Variants in FPR1 observed in about 807,000 individuals in gnomAD.
The protein encoded by FPR1 is formyl peptide receptor 1, also known as N-formyl peptide receptor 1.
For synonymous variants in FPR1, 193 were observed against 176.7 expected, an observed-to-expected ratio of 1.09 and a Z score of -0.73; for missense variants, 407 against 453.0, an observed-to-expected ratio of 0.90 and a Z score of 0.92.
intron 1 of FPR1, chr19:51,750,166 T>A (rs1361284600): frequency 6.6e-6 from 1 of 152,214 alleles, no homozygotes; most frequent in African/African-American, 2.4e-5. Flanking sequence ...GCCACGCTAC[T>A]GGCACAGAAG....
At position 51,746,730 on chromosome 19, in the gene FPR1, C is replaced by T. The variant is rs756639389; in HGVS notation, c.265G>A (p.Gly89Arg). 1.2e-6 allele frequency: 2 copies of T among 1,614,026 alleles called. No individual in the cohort carries two copies. The highest frequency in any genetic ancestry group is 1.1e-5 in the South Asian group (1 of 91,084). ...AGGAACCAGCCGAAAGGCCAATGTCCTCCCATGGCCTTCCTGACCATGAAG... is the reference window on the plus strand; with the variant it reads ...AGGAACCAGCCGAAAGGCCAATGTCTTCCCATGGCCTTCCTGACCATGAAG... The part of the protein sequence containing the change: ...PFFMVRKAMG[G>R]HWPFGWFLCK... The change falls in exon 2 of 2, where the codon GGA (glycine) becomes AGA (arginine). Residue 89 changes from glycine to arginine, a missense_variant. Coordinates refer to ENST00000304748, the MANE Select transcript of FPR1 (RefSeq NM_002029.4). The surrounding 1 kb of genome is among the most constrained non-coding windows in gnomAD (Gnocchi z 4.3).
At chr19:51,745,746 G>T (rs867229), downstream of FPR1, 2 of 533,216 alleles carry the variant, frequency 3.8e-6, no homozygotes, top group African/African-American at 1.9e-5. Flanking sequence ...CAAGGCTGAG[G>T]TCCAAAATCA....
chr19:51,745,792 TCTCCCCAA>T lies in FPR1; in HGVS notation c.*142_*149del. The T allele has an allele frequency of 1.5e-6, 1 of 671,852 alleles. No individual in the cohort carries two copies. The highest frequency in any genetic ancestry group is 2.6e-6 in the Non-Finnish European group (1 of 388,272). The allele number at this position is 671,852 out of a possible 1,614,324, so 41.6% of individuals were successfully genotyped here. A position where few individuals can be genotyped will look rare whatever the true frequency, so the allele number is the denominator to read the frequency against. Reference sequence around the variant, plus strand: ...CAATAATAAACTCATATCTGTTTATTCTCCCCAAATCAGGGGACACAAAGGCTTTTTTT... The same window carrying T: ...CAATAATAAACTCATATCTGTTTATTATCAGGGGACACAAAGGCTTTTTTT... On this transcript the variant is annotated 3_prime_UTR_variant, in exon 2 of 2. Coordinates refer to ENST00000304748, the MANE Select transcript of FPR1 (RefSeq NM_002029.4).
In FPR1 at chr19:51,746,527, G is replaced by A; in HGVS notation, c.468C>T (p.Leu156=). 1.2e-6 allele frequency: 2 copies of A among 1,614,232 alleles called. No individual in the cohort carries two copies. The highest frequency in any genetic ancestry group is 1.1e-5 in the South Asian group (1 of 91,082). Reference sequence around the variant, plus strand: ...TCACACGAATGATAACTGGCAATGTGAGGAGCAGAGCCATCACCCAGGGCC... The same window carrying A: ...TCACACGAATGATAACTGGCAATGTAAGGAGCAGAGCCATCACCCAGGGCC... ...IIGPWVMALL[L]TLPVIIRVTT... The change falls in exon 2 of 2, where the codon CTC becomes CTT. Residue 156 remains leucine, a synonymous_variant. Transcript: ENST00000304748. This position sits in a 1 kb window ranked among gnomAD's most constrained non-coding sequence, Gnocchi z 4.3.
chr19:51,745,933 GCTCCCT>G lies in FPR1; in HGVS notation c.*3_*8del. ...GCTGGGAGCTCGAAAGTGTCCCCCA[GCTCCCT>G]CCTCACTTTGCCTGTAACTCCACCT... On this transcript the variant is annotated 3_prime_UTR_variant, in exon 2 of 2. Transcript: ENST00000304748. The G allele has an allele frequency of 1.2e-6, 2 of 1,603,204 alleles. No homozygotes were observed. The highest frequency in any genetic ancestry group is 1.1e-5 in the South Asian group (1 of 90,810).
chr19:51,746,169 A>G lies in FPR1; in HGVS notation c.826T>C (p.Tyr276His), dbSNP rs553738020. 1 of 1,614,230 alleles carries G rather than the reference A, an allele frequency of 6.2e-7. No individual in the cohort carries two copies. Among genetic ancestry groups the G allele is most frequent in the Admixed American group, 1.7e-5 (1 of 60,024 alleles). Residue 276 changes from tyrosine (Y) to histidine (H), a missense_variant, in exon 2 of 2, where the codon TAC becomes CAC. Tyr to His is a moderately conservative substitution (Grantham distance 83). Transcript: ENST00000304748. The surrounding 1 kb of genome is among the most constrained non-coding windows in gnomAD (Gnocchi z 4.3). ...VRIRELLQGM[Y>H]KEIGIAVDVT... ...TCCACTGCAATACCAATTTCTTTGT[A>G]CATGCCTTGCAATAACTCACGGATT...
Position 51,746,387 on chromosome 19 carries a change from A to T in FPR1, c.608T>A (p.Ile203Asn), listed in dbSNP as rs375670055. 2 of 1,614,084 alleles carry T rather than the reference A, an allele frequency of 1.2e-6. No homozygotes were observed. The highest frequency in any genetic ancestry group is 1.3e-5 in the African/African-American group (1 of 74,916). ...GCTGAAGCCAATGATGAACCGGATG[A>T]TGCCTCTCACCGTCAACATGGCAAC... ...VAVAMLTVRG[I>N]IRFIIGFSAP... The change falls in exon 2 of 2, where the codon ATC (isoleucine) becomes AAC (asparagine). Residue 203 changes from isoleucine to asparagine, a missense_variant. Ile to Asn is a moderately radical substitution (Grantham distance 149). Transcript: ENST00000304748. The surrounding 1 kb of genome is among the most constrained non-coding windows in gnomAD (Gnocchi z 4.3).
At chr19:51,745,725 C>G (rs1373362149), downstream of FPR1, 9 of 517,136 alleles carry the variant, frequency 1.7e-5, no homozygotes, top group Non-Finnish European at 2.8e-5. Flanking sequence ...TCATTTCCCA[C>G]CCTGACCACC....
chr19:51,749,080 C>T (rs1240801601), intron 1 of FPR1, among the ~76,000 whole-genome samples: 6 of 151,950 alleles, frequency 3.9e-5, no homozygotes, highest in East Asian at 1.9e-4. Flanking sequence ...CCAGGCATGG[C>T]GGTGGGTGCT....
rs1358544550 is a variant in FPR1 at position 51,746,727 on chromosome 19, G to A, written c.268C>T (p.His90Tyr). 1.8e-5 allele frequency: 29 copies of A among 1,614,054 alleles called. No homozygotes were observed. The highest frequency in any genetic ancestry group is 2.4e-5 in the Non-Finnish European group (28 of 1,180,036). Reference protein sequence around the residue: ...FFMVRKAMGGHWPFGWFLCKF... With the variant: ...FFMVRKAMGGYWPFGWFLCKF... ...CACAGGAACCAGCCGAAAGGCCAAT[G>A]TCCTCCCATGGCCTTCCTGACCATG... is the stretch of plus-strand genomic sequence containing the variant. The change falls in exon 2 of 2, where the codon CAT (histidine) becomes TAT (tyrosine). Residue 90 changes from histidine to tyrosine, a missense_variant. Transcript: ENST00000304748. This position sits in a 1 kb window ranked among gnomAD's most constrained non-coding sequence, Gnocchi z 4.3.
chr19:51,747,509 C>T (rs1354927803), intron 1 of FPR1, among the ~76,000 whole-genome samples: 1 of 152,180 alleles, frequency 6.6e-6, no homozygotes, highest in African/African-American at 2.4e-5. Context: ...TGAGCTACCA[C>T]GTGTGGCCAA....
chr19:51,749,966 C>T (rs1047101919), intron 1 of FPR1, among the ~76,000 whole-genome samples: 7 of 152,150 alleles, frequency 4.6e-5, no homozygotes, highest in Non-Finnish European at 8.8e-5. Context: ...CCACTGCGCC[C>T]GGCCTGGTCT....
Position 51,745,903 on chromosome 19 carries a change from C to A in FPR1, c.*39G>T, listed in dbSNP as rs2083739412. ...CAGCCTAACTCAAGGTGAGACGAAG[C>A]TGGAGCTGGGAGCTCGAAAGTGTCC... On this transcript the variant is annotated 3_prime_UTR_variant, in exon 2 of 2. Transcript: ENST00000304748. 3 of 1,552,716 alleles carry A rather than the reference C, an allele frequency of 1.9e-6. No individual in the cohort carries two copies. The highest frequency in any genetic ancestry group is 3.4e-5 in the Admixed American group (2 of 58,354).
At chr19:51,747,389 C>T (rs538067145) in intron 1 of FPR1, among the ~76,000 whole-genome samples, 17 of 152,016 alleles carry the variant, frequency 1.1e-4, no homozygotes, top group African/African-American at 3.1e-4. Context: ...GGCTAATTTT[C>T]GTATATTTAG....
intron 1 of FPR1, among the ~76,000 whole-genome samples, chr19:51,751,536 C>T (rs1382890004): frequency 6.6e-6 from 1 of 152,100 alleles, no homozygotes; most frequent in East Asian, 1.9e-4. Flanking sequence ...ACGCCCACCA[C>T]CACGCCTGGC....
Position 51,746,167 on chromosome 19 carries a change from G to C in FPR1, c.828C>G (p.Tyr276Ter), listed in dbSNP as rs535223217. The C allele has an allele frequency of 1.2e-6, 2 of 1,614,186 alleles. No homozygotes were observed. Among genetic ancestry groups the C allele is most frequent in the Admixed American group, 1.7e-5 (1 of 60,014 alleles). Residue 276 changes from tyrosine (Y) to a stop codon, truncating the protein, a stop_gained, in exon 2 of 2, where the codon TAC becomes TAG. Coordinates refer to ENST00000304748, the MANE Select transcript of FPR1 (RefSeq NM_002029.4). LOFTEE classifies it low-confidence loss of function (END_TRUNC). The surrounding 1 kb of genome is among the most constrained non-coding windows in gnomAD (Gnocchi z 4.3). ...VRIRELLQGM[Y>*]KEIGIAVDVT... ...CATCCACTGCAATACCAATTTCTTTGTACATGCCTTGCAATAACTCACGGA... is the reference window on the plus strand; with the variant it reads ...CATCCACTGCAATACCAATTTCTTTCTACATGCCTTGCAATAACTCACGGA...
intron 1 of FPR1, among the ~76,000 whole-genome samples, chr19:51,749,081 G>T (rs1039886898): frequency 6.6e-6 from 1 of 152,194 alleles, no homozygotes; most frequent in South Asian, 2.1e-4. Context: ...CAGGCATGGC[G>T]GTGGGTGCTT....
chr19:51,745,687 C>G (rs1293595456), downstream of FPR1: 3 of 446,514 alleles, frequency 6.7e-6, no homozygotes, highest in African/African-American at 5.9e-5. Flanking sequence ...TTCAGGCAAA[C>G]TAGGATGCAG....
intron 1 of FPR1, 62 bp from the exon 2 acceptor site, chr19:51,747,067 C>T (rs1349572844): frequency 2.4e-6 from 3 of 1,241,718 alleles, no homozygotes; most frequent in Admixed American, 4.7e-5. Context: ...TCCCCACCCC[C>T]TCATTTCTGC....
Sources: allele counts gnomAD v4.1 joint callset (sites outside exome capture counted in the v4.1 genomes callset), GRCh38; gene constraint gnomAD v4.1.1; non-coding constraint Gnocchi (gnomAD v3.1); transcripts MANE v1.5; gene names NCBI Gene and HGNC (gene_info 2026-07-23, HGNC 2026-07-21).